DGKB: variants seen among roughly 807,000 people sequenced by gnomAD.
The protein encoded by DGKB is diacylglycerol kinase beta, also known as 90 kDa diacylglycerol kinase.
In DGKB, 67 loss-of-function variants were observed where a neutral mutation model predicts 114.3. That is an observed-to-expected ratio of 0.59 (90% CI 0.48 to 0.72). DGKB has a LOEUF of 0.72. DGKB is among the 30% of genes least tolerant of loss of function. The probability of loss-of-function intolerance (pLI) is 0.00; values close to 1 mark genes in which losing one functional copy is unlikely to be tolerated. For synonymous variants in DGKB, 398 were observed against 323.1 expected, an observed-to-expected ratio of 1.23 and a Z score of -2.49; for missense variants, 907 against 975.2, an observed-to-expected ratio of 0.93 and a Z score of 0.93.
chr7:14,197,183 C>A (rs1341147515), intron 23 of DGKB, among the ~76,000 whole-genome samples: 1 of 152,042 alleles, frequency 6.6e-6, no homozygotes, highest in Non-Finnish European at 1.5e-5. Context: ...GATTCTTTTT[C>A]TACCTCCTCT....
chr7:14,276,125 C>T (rs942800647), intron 23 of DGKB, among the ~76,000 whole-genome samples: 2 of 152,138 alleles, frequency 1.3e-5, no homozygotes, highest in African/African-American at 4.8e-5. Flanking sequence ...GCTTTATTCT[C>T]AACTTAGCAC....
At chr7:14,772,179 G>A (rs1002658042) in intron 2 of DGKB, among the ~76,000 whole-genome samples, 1 of 152,106 alleles carries the variant, frequency 6.6e-6, no homozygotes, top group Non-Finnish European at 1.5e-5. Context: ...TTAGGCATAT[G>A]TTCTCAGAAC....
At chr7:14,565,467 A>G (rs1482400001) in intron 20 of DGKB, among the ~76,000 whole-genome samples, 1 of 152,170 alleles carries the variant, frequency 6.6e-6, no homozygotes, top group Non-Finnish European at 1.5e-5. Flanking sequence ...ATGACTCCAA[A>G]TTCTCCCTAA....
At position 14,580,929 on chromosome 7, in the gene DGKB, A is replaced by G. The variant is rs755786329; in HGVS notation, c.1542T>C (p.His514=). Reference sequence around the variant, plus strand: ...CAAGAGGCAGAATCGCAACTGGAGGATGCTTGCCTACATTGGCCTTTTCTG... The same window carrying G: ...CAAGAGGCAGAATCGCAACTGGAGGGTGCTTGCCTACATTGGCCTTTTCTG... ...DCIEKANVGK[H]PPVAILPLGT... The change falls in exon 19 of 26, where the codon CAT becomes CAC. Residue 514 remains histidine (H), a synonymous_variant. Coordinates refer to ENST00000402815, the MANE Select transcript of DGKB (RefSeq NM_001350709.2). The G allele has an allele frequency of 1.2e-6, 2 of 1,603,768 alleles. No homozygotes were observed. The highest frequency in any genetic ancestry group is 2.2e-5 in the South Asian group (2 of 89,630).
intron 1 of DGKB, among the ~76,000 whole-genome samples, chr7:14,952,321 G>A (rs765702452): frequency 3.3e-5 from 5 of 151,896 alleles, no homozygotes; most frequent in Non-Finnish European, 7.4e-5. Context: ...CCAATTTATG[G>A]TACTTTGATA....
chr7:14,386,194 A>G (rs1485221162), intron 21 of DGKB, among the ~76,000 whole-genome samples: 2 of 152,216 alleles, frequency 1.3e-5, no homozygotes, highest in African/African-American at 4.8e-5. Context: ...ATGATGCAGT[A>G]TTGCATTTAT....
At chr7:14,409,984 T>G (rs947766620) in intron 21 of DGKB, among the ~76,000 whole-genome samples, 1 of 152,060 alleles carries the variant, frequency 6.6e-6, no homozygotes, top group African/African-American at 2.4e-5. Flanking sequence ...AGGCTTCTAC[T>G]TAACAACAGG....
chr7:14,742,667 G>A (rs1832743484), intron 4 of DGKB, among the ~76,000 whole-genome samples: 1 of 152,124 alleles, frequency 6.6e-6, no homozygotes, highest in Admixed American at 6.5e-5. Flanking sequence ...CAGGCTAGAA[G>A]GAATCAAACT....
chr7:14,191,954 G>C, intron 23 of DGKB: 1 of 663,738 alleles, frequency 1.5e-6, no homozygotes, highest in Non-Finnish European at 2.5e-6. Flanking sequence ...CTTGAAGTCT[G>C]GTGATGCTAC....
chr7:14,698,227 T>C, intron 7 of DGKB, 58 bp from the exon 8 acceptor site: 1 of 1,075,484 alleles, frequency 9.3e-7, no homozygotes, highest in Non-Finnish European at 1.3e-6. Context: ...GTTTTAAATC[T>C]TTCACTTGCA....
chr7:14,556,373 GATGA>G (rs1323388389), intron 20 of DGKB, among the ~76,000 whole-genome samples: 1 of 151,838 alleles, frequency 6.6e-6, no homozygotes, highest in Non-Finnish European at 1.5e-5. Flanking sequence ...ATTTCTAGTT[GATGA>G]ATATTTATTA....
At chr7:14,445,439 CCTTT>C (rs1830601594) in intron 21 of DGKB, among the ~76,000 whole-genome samples, 1 of 151,856 alleles carries the variant, frequency 6.6e-6, no homozygotes, top group Admixed American at 6.6e-5. Context: ...TGCAATAGCC[CCTTT>C]CTTTATTTGT....
intron 13 of DGKB, among the ~76,000 whole-genome samples, chr7:14,662,774 G>C (rs1290294141): frequency 6.6e-6 from 1 of 151,328 alleles, no homozygotes; most frequent in Admixed American, 6.6e-5. Context: ...AAATCAGGAA[G>C]GTAATTTTAA....
intron 5 of DGKB, among the ~76,000 whole-genome samples, chr7:14,720,473 T>TTGTGTGTGTGTGTGTGTGTG (rs61654464): frequency 2.2e-5 from 3 of 136,482 alleles, no homozygotes; most frequent in African/African-American, 8.6e-5. Flanking sequence ...CCCGGCTGAT[T>TTGTGTGTGTGTGTGTGTGTG]TGTGTGTGTG....
At chr7:14,279,016 G>A (rs1799452406) in intron 23 of DGKB, among the ~76,000 whole-genome samples, 1 of 152,272 alleles carries the variant, frequency 6.6e-6, no homozygotes, top group South Asian at 2.1e-4. Context: ...GCAGGTCAGT[G>A]GGTGCACGCA....
At chr7:14,279,379 C>G (rs925032316) in intron 23 of DGKB, among the ~76,000 whole-genome samples, 2 of 152,070 alleles carry the variant, frequency 1.3e-5, no homozygotes, top group African/African-American at 4.8e-5. Context: ...TGGAGCCCAC[C>G]ACAGCTCAAG....
At chr7:14,438,003 T>C (rs543885255) in intron 21 of DGKB, among the ~76,000 whole-genome samples, 4 of 152,064 alleles carry the variant, frequency 2.6e-5, no homozygotes, top group African/African-American at 9.6e-5. Context: ...AATAATGTTA[T>C]AGTACATAAA....
intron 23 of DGKB, among the ~76,000 whole-genome samples, chr7:14,257,516 G>A (rs74827264): frequency 6.6e-6 from 1 of 152,060 alleles, no homozygotes; most frequent in Admixed American, 6.6e-5. Context: ...GAGGCACATG[G>A]TGGGAGGTAA....
chr7:14,233,998 A>T (rs1365504801), intron 23 of DGKB, among the ~76,000 whole-genome samples: 1 of 152,106 alleles, frequency 6.6e-6, no homozygotes, highest in Non-Finnish European at 1.5e-5. Context: ...TCAACAAAAT[A>T]GTCCCAAATG....
Sources: gnomAD v4.1 joint callset for allele counts (sites outside exome capture counted in the v4.1 genomes callset) on GRCh38, gnomAD v4.1.1 for gene constraint, MANE v1.5 for transcripts, NCBI Gene and HGNC (gene_info 2026-07-23, HGNC 2026-07-21) for gene names.